The following PARP8 variants were observed in gnomAD, a reference collection of about 807,000 sequenced individuals.
The protein encoded by PARP8 is poly(ADP-ribose) polymerase family member 8.
A neutral mutation model predicts 124.1 loss-of-function variants in PARP8; 51 were observed. That is an observed-to-expected ratio of 0.41 (90% CI 0.33 to 0.52). The LOEUF (loss-of-function observed/expected upper bound fraction) is 0.52. Among genes scored for constraint, PARP8 ranks in the 20% least tolerant of loss-of-function variants. The pLI, the probability that PARP8 is intolerant of heterozygous loss-of-function variation, is 0.21. For synonymous variants in PARP8, 391 were observed against 361.5 expected (o/e 1.08, Z -0.93); for missense variants, 860 against 1,018.9 (o/e 0.84, Z 2.12).
At chr5:50,725,554 G>C (rs1169593555) in intron 2 of PARP8, among the ~76,000 whole-genome samples, 1 of 152,122 alleles carries the variant, frequency 6.6e-6, no homozygotes, top group Admixed American at 6.5e-5. Context: ...TTCGGTCAGG[G>C]TATCTGTGAA....
At chr5:50,710,562 T>G (rs1228750071) in intron 2 of PARP8, among the ~76,000 whole-genome samples, 1 of 152,132 alleles carries the variant, frequency 6.6e-6, no homozygotes, top group African/African-American at 2.4e-5. Flanking sequence ...TTAGAATGGG[T>G]TCAACACCTG....
intron 3 of PARP8, among the ~76,000 whole-genome samples, chr5:50,758,173 A>G (rs1334349662): frequency 6.6e-6 from 1 of 152,142 alleles, no homozygotes; most frequent in African/African-American, 2.4e-5. Flanking sequence ...TCAACTAATG[A>G]GATAATAATT....
intron 18 of PARP8, among the ~76,000 whole-genome samples, chr5:50,825,179 G>A (rs567624747): frequency 6.6e-6 from 1 of 152,118 alleles, no homozygotes; most frequent in South Asian, 2.1e-4. Flanking sequence ...CATCACAAGG[G>A]GAAGAGAATG....
At chr5:50,786,257 A>G (rs1741233009) in intron 9 of PARP8, among the ~76,000 whole-genome samples, 1 of 152,076 alleles carries the variant, frequency 6.6e-6, no homozygotes, top group Non-Finnish European at 1.5e-5. Flanking sequence ...TGTCAATGTC[A>G]TCAGTAACTT....
intron 2 of PARP8, among the ~76,000 whole-genome samples, chr5:50,685,699 G>C (rs989369539): frequency 7.2e-5 from 11 of 152,152 alleles, no homozygotes; most frequent in African/African-American, 2.4e-4. Flanking sequence ...CCCATGACTG[G>C]GCAATTTACA....
At chr5:50,678,904 G>A (rs974880055) in intron 2 of PARP8, among the ~76,000 whole-genome samples, 7 of 152,084 alleles carry the variant, frequency 4.6e-5, no homozygotes, top group South Asian at 2.1e-4. Flanking sequence ...TTCTTGTTGT[G>A]AGCAACATGA....
chr5:50,838,271 T>C (rs1747806243), intron 25 of PARP8, among the ~76,000 whole-genome samples: 1 of 152,068 alleles, frequency 6.6e-6, no homozygotes, highest in Non-Finnish European at 1.5e-5. Flanking sequence ...CTCACTACAG[T>C]AGTCATCAAT....
intron 14 of PARP8, among the ~76,000 whole-genome samples, chr5:50,807,236 G>A (rs1289162245): frequency 6.6e-6 from 1 of 151,752 alleles, no homozygotes; most frequent in East Asian, 1.9e-4. Flanking sequence ...TGCAATACAG[G>A]GAACTAAACT....
chr5:50,756,773 G>A (rs749608342), intron 3 of PARP8, among the ~76,000 whole-genome samples: 11 of 152,026 alleles, frequency 7.2e-5, no homozygotes, highest in Admixed American at 6.6e-4. Flanking sequence ...GTCCCAGAAC[G>A]TGTTCATTTT....
chr5:50,759,783 T>A, intron 4 of PARP8, 51 bp downstream of exon 4: 1 of 1,510,266 alleles, frequency 6.6e-7, no homozygotes, highest in Non-Finnish European at 8.8e-7. Flanking sequence ...AATTGCATTA[T>A]CTTTTTTTGT....
rs1329478481 is a variant in PARP8, at chr5:50,717,193, G to A, written c.147-32958G>A. On this transcript the variant is annotated intron_variant, in intron 2 of 25. Coordinates refer to ENST00000281631, the MANE Select transcript of PARP8 (RefSeq NM_024615.4). ...CATGCAATGAATTATTTGGAAAAAC[G>A]AAGTTAACAGTCTTGGGGGAGGCTA... 9.9e-5 allele frequency among the ~76,000 whole-genome samples: 15 copies of A among 151,978 alleles called. No individual in the cohort carries two copies. In the South Asian group the frequency reaches 2.5e-3, roughly 25 times the overall value.
intron 7 of PARP8, among the ~76,000 whole-genome samples, 200 bp from the exon 8 acceptor site, chr5:50,777,865 TAGAA>T (rs1394526980): frequency 2.6e-5 from 4 of 152,140 alleles, no homozygotes; most frequent in Non-Finnish European, 5.9e-5. Context: ...TACAAGACAA[TAGAA>T]AGATATCAAT....
chr5:50,712,835 A>G (rs1394522476), intron 2 of PARP8, among the ~76,000 whole-genome samples: 1 of 151,866 alleles, frequency 6.6e-6, no homozygotes, highest in Non-Finnish European at 1.5e-5. Context: ...AGAAGGAGGA[A>G]CAAGGTTTTT....
intron 7 of PARP8, among the ~76,000 whole-genome samples, chr5:50,776,290 T>C (rs1021000793): frequency 1.8e-4 from 27 of 152,230 alleles, no homozygotes; most frequent in African/African-American, 6.5e-4. Context: ...TTCAGTTTGC[T>C]AGTATTTTGT....
intron 25 of PARP8, among the ~76,000 whole-genome samples, chr5:50,841,038 A>G (rs770969363): frequency 1.3e-5 from 2 of 151,872 alleles, no homozygotes; most frequent in South Asian, 2.1e-4. Context: ...TCTCTGCTGT[A>G]TGTCATCTTT....
chr5:50,689,923 C>T (rs1399158752), intron 2 of PARP8, among the ~76,000 whole-genome samples: 1 of 152,272 alleles, frequency 6.6e-6, no homozygotes, highest in East Asian at 1.9e-4. Context: ...TTTTTGGGAA[C>T]ATTCCACTGT....
intron 9 of PARP8, among the ~76,000 whole-genome samples, chr5:50,783,801 A>G (rs1403894918): frequency 6.6e-6 from 1 of 152,090 alleles, no homozygotes; most frequent in African/African-American, 2.4e-5. Flanking sequence ...AATTTCTCCA[A>G]ATATCTGTTA....
rs1419106085 is a variant in PARP8, at chr5:50,765,585, T to G, written c.518+2343T>G. Among the ~76,000 whole-genome samples, 3 of 152,344 alleles carry G rather than the reference T, an allele frequency of 2.0e-5. No homozygotes were observed. The East Asian group carries it at 5.8e-4, about 29-fold the overall frequency. On this transcript the variant is annotated intron_variant, in intron 7 of 25. Transcript: ENST00000281631. ...GTTTTGAATTTTTTCCCCTTAACCC[T>G]TTTCACTTGTAATAGTTTTGATCCA...
intron 25 of PARP8, 119 bp from the exon 26 acceptor site, chr5:50,841,847 C>T (rs376211117): frequency 9.5e-6 from 6 of 628,336 alleles, no homozygotes; most frequent in East Asian, 6.4e-5. Context: ...GAAAAACAAC[C>T]GTATAATTTG....
Sources: allele counts gnomAD v4.1 joint callset (sites outside exome capture counted in the v4.1 genomes callset), GRCh38; gene constraint gnomAD v4.1.1; transcripts MANE v1.5; gene names NCBI Gene and HGNC (gene_info 2026-07-23, HGNC 2026-07-21).